PDE11A: variants seen among roughly 807,000 people sequenced by gnomAD.
The protein encoded by PDE11A is phosphodiesterase 11A.
PDE11A carries 100 observed loss-of-function variants against 100.5 expected under a neutral mutation model. The observed-to-expected ratio is 1.00, with a 90% CI of 0.85 to 1.18. The LOEUF is 1.18. Among genes scored for constraint, PDE11A ranks in the 50% most tolerant of loss-of-function variants. PDE11A has a pLI of 0.00. For missense variants in PDE11A, 1,141 were observed against 1,152.6 expected (o/e 0.99, Z 0.15); for synonymous variants, 381 against 420.8 (o/e 0.91, Z 1.16).
At chr2:177,815,560 T>C (rs2083024680) in intron 9 of PDE11A, among the ~76,000 whole-genome samples, 1 of 152,082 alleles carries the variant, frequency 6.6e-6, no homozygotes, top group Non-Finnish European at 1.5e-5. Flanking sequence ...CTTTCCTTCC[T>C]CCTTCTTTCC....
intron 2 of PDE11A, among the ~76,000 whole-genome samples, chr2:177,923,532 G>C (rs1408421052): frequency 2.0e-5 from 3 of 152,098 alleles, no homozygotes; most frequent in African/African-American, 4.8e-5. Flanking sequence ...GGGTCACGTG[G>C]TCATTGTTGA....
intron 1 of PDE11A, among the ~76,000 whole-genome samples, chr2:178,066,235 G>T (rs1312140703): frequency 6.6e-6 from 1 of 152,126 alleles, no homozygotes; most frequent in African/African-American, 2.4e-5. Context: ...GCCACATGAA[G>T]GGCTGAAGTA....
intron 6 of PDE11A, among the ~76,000 whole-genome samples, chr2:177,824,139 C>G (rs1006054241): frequency 1.6e-4 from 25 of 152,048 alleles, no homozygotes; most frequent in African/African-American, 6.0e-4. Flanking sequence ...TGCACTCTCC[C>G]ATCCCCATGG....
chr2:177,965,834 T>A (rs2085691461), intron 2 of PDE11A, among the ~76,000 whole-genome samples: 1 of 152,090 alleles, frequency 6.6e-6, no homozygotes, highest in African/African-American at 2.4e-5. Context: ...ATTGCTTCAG[T>A]TATTTGGGCT....
At chr2:178,080,451 G>T (rs1574388302) in intron 2 of PDE11A, among the ~76,000 whole-genome samples, 1 of 152,148 alleles carries the variant, frequency 6.6e-6, no homozygotes, top group East Asian at 1.9e-4. Flanking sequence ...AGATCAGATG[G>T]TTGTAGGTGT....
At chr2:178,099,895 G>A (rs2087540940) in intron 2 of PDE11A, among the ~76,000 whole-genome samples, 1 of 152,128 alleles carries the variant, frequency 6.6e-6, no homozygotes, top group Non-Finnish European at 1.5e-5. Flanking sequence ...TAAACAAAAT[G>A]CTATCTACAT....
chr2:177,849,856 C>T (rs1183566190), intron 5 of PDE11A, among the ~76,000 whole-genome samples: 2 of 150,880 alleles, frequency 1.3e-5, no homozygotes, highest in East Asian at 1.9e-4. Flanking sequence ...TCAAGGAGAA[C>T]TAAAACCACT....
At chr2:178,079,167 T>A (rs1379272281) in intron 2 of PDE11A, among the ~76,000 whole-genome samples, 1 of 152,202 alleles carries the variant, frequency 6.6e-6, no homozygotes, top group African/African-American at 2.4e-5. Flanking sequence ...AACTTTTAAG[T>A]TCTGGGGCAC....
intron 4 of PDE11A, among the ~76,000 whole-genome samples, chr2:177,885,680 A>G (rs2084419258): frequency 6.6e-6 from 1 of 152,146 alleles, no homozygotes; most frequent in Non-Finnish European, 1.5e-5. Context: ...AATTTTTGCA[A>G]CTCACTTGAG....
At chr2:177,950,115 T>C (rs1290872151) in intron 2 of PDE11A, among the ~76,000 whole-genome samples, 2 of 152,228 alleles carry the variant, frequency 1.3e-5, no homozygotes, top group African/African-American at 2.4e-5. Context: ...TACTTTCTTC[T>C]GACACTATCT....
chr2:177,680,489 G>A (rs1400230449), intron 16 of PDE11A, among the ~76,000 whole-genome samples: 2 of 152,148 alleles, frequency 1.3e-5, no homozygotes, highest in African/African-American at 2.4e-5. Flanking sequence ...TTTGTGCTAT[G>A]TAACTCTGAT....
intron 19 of PDE11A, among the ~76,000 whole-genome samples, chr2:177,660,333 C>G (rs112681291): frequency 0.019 from 2,862 of 152,018 alleles, 44 homozygotes; most frequent in African/African-American, 0.038. Flanking sequence ...TGTGTCCTAC[C>G]CACCTGGCAT....
intron 9 of PDE11A, among the ~76,000 whole-genome samples, chr2:177,783,140 A>G (rs1169095976): frequency 6.6e-6 from 1 of 151,932 alleles, no homozygotes; most frequent in Non-Finnish European, 1.5e-5. Context: ...TAATAACACA[A>G]TTCTCTTCAT....
At chr2:177,880,610 C>T (rs1039040118) in intron 4 of PDE11A, among the ~76,000 whole-genome samples, 1 of 152,146 alleles carries the variant, frequency 6.6e-6, no homozygotes, top group Non-Finnish European at 1.5e-5. Context: ...TAGCAAATTA[C>T]TGAAACTTAG....
At chr2:178,091,050 T>C (rs1369516) in intron 2 of PDE11A, among the ~76,000 whole-genome samples, 147,710 of 152,306 alleles carry the variant, frequency 0.97, 71,771 homozygotes, top group East Asian at 1. Flanking sequence ...TCATAGAAGG[T>C]ATATGCTAAT....
At chr2:177,959,020 G>A (rs899884899) in intron 2 of PDE11A, among the ~76,000 whole-genome samples, 1 of 152,236 alleles carries the variant, frequency 6.6e-6, no homozygotes, top group African/African-American at 2.4e-5. Context: ...AGGTAGAGAT[G>A]GGCAATAAAC....
At chr2:177,848,366 A>G (rs1394290694) in intron 5 of PDE11A, among the ~76,000 whole-genome samples, 1 of 152,238 alleles carries the variant, frequency 6.6e-6, no homozygotes, top group African/African-American at 2.4e-5. Context: ...TTAAAAGGTC[A>G]TAGTTAACCA....
At chr2:177,999,442 C>A (rs1348411732) in intron 2 of PDE11A, among the ~76,000 whole-genome samples, 1 of 152,124 alleles carries the variant, frequency 6.6e-6, no homozygotes, top group African/African-American at 2.4e-5. Flanking sequence ...TTAGGACAAA[C>A]AAAATTGATG....
At chr2:177,888,619 C>T in intron 4 of PDE11A, 2 of 556,884 alleles carry the variant, frequency 3.6e-6, no homozygotes, top group Non-Finnish European at 4.6e-6. Context: ...ACAAATATAC[C>T]TGTTGAGAGA....
Sources: allele counts gnomAD v4.1 joint callset (sites outside exome capture counted in the v4.1 genomes callset), GRCh38; gene constraint gnomAD v4.1.1; transcripts MANE v1.5; gene names NCBI Gene and HGNC (gene_info 2026-07-23, HGNC 2026-07-21).